The following TBC1D2B variants were observed in gnomAD, a reference collection of about 807,000 sequenced individuals.
TBC1D2B encodes TBC1 domain family member 2B.
Under a neutral mutation model 100.8 loss-of-function variants are expected in TBC1D2B, and 64 were observed. The ratio of observed to expected loss-of-function variants is 0.64; its 90% CI spans 0.52 to 0.78. The LOEUF is 0.78. Ranked by LOEUF, TBC1D2B falls within the 30% of genes least tolerant of loss-of-function variation. The pLI, the probability that TBC1D2B is intolerant of heterozygous loss-of-function variation, is 0.00. For missense variants in TBC1D2B, 1,052 were observed against 1,218.4 expected (o/e 0.86, Z 2.03); for synonymous variants, 480 against 479.7 (o/e 1.00, Z -0.01).
At chr15:78,026,187 TTGAA>T (rs2072664589) in intron 4 of TBC1D2B, among the ~76,000 whole-genome samples, 1 of 152,094 alleles carries the variant, frequency 6.6e-6, no homozygotes, top group Non-Finnish European at 1.5e-5. Flanking sequence ...TTGCTATACT[TTGAA>T]TGTGTCCCCC....
chr15:78,029,942 C>T, intron 4 of TBC1D2B, 65 bp downstream of exon 4: 1 of 1,370,560 alleles, frequency 7.3e-7, no homozygotes, highest in Non-Finnish European at 9.9e-7. Context: ...AATGTGTCTC[C>T]ACATCACTGG....
intron 3 of TBC1D2B, among the ~76,000 whole-genome samples, chr15:78,043,864 A>G (rs1351989477): frequency 1.3e-5 from 2 of 151,956 alleles, no homozygotes; most frequent in Non-Finnish European, 2.9e-5. Flanking sequence ...TCTCTACAAA[A>G]TAAATAAATA....
intron 1 of TBC1D2B, among the ~76,000 whole-genome samples, chr15:78,065,494 C>A (rs2073637323): frequency 6.6e-6 from 1 of 152,174 alleles, no homozygotes; most frequent in Non-Finnish European, 1.5e-5. Context: ...ATGTAGAAGC[C>A]TGTCAAAATA....
chr15:78,001,175 C>T (rs1266348567), intron 12 of TBC1D2B, among the ~76,000 whole-genome samples: 1 of 152,210 alleles, frequency 6.6e-6, no homozygotes, highest in Non-Finnish European at 1.5e-5. Context: ...TGTTTCCTTG[C>T]TGCCCCTTGC....
At chr15:78,028,302 C>T (rs1237976589) in intron 4 of TBC1D2B, among the ~76,000 whole-genome samples, 1 of 152,078 alleles carries the variant, frequency 6.6e-6, no homozygotes, top group Non-Finnish European at 1.5e-5. Flanking sequence ...TGATGAAACC[C>T]TGTCTCTACT....
At chr15:78,046,595 T>A (rs780108406) in intron 2 of TBC1D2B, among the ~76,000 whole-genome samples, 1 of 152,034 alleles carries the variant, frequency 6.6e-6, no homozygotes, top group Non-Finnish European at 1.5e-5. Context: ...GCCTACCAAG[T>A]AGCTGGGACT....
intron 12 of TBC1D2B, among the ~76,000 whole-genome samples, chr15:78,000,070 C>T (rs1301393002): frequency 6.6e-6 from 1 of 152,230 alleles, no homozygotes; most frequent in East Asian, 1.9e-4. Context: ...AACACTGAGG[C>T]TCTAGCCCAG....
At chr15:78,055,767 C>A (rs1336941218) in intron 1 of TBC1D2B, among the ~76,000 whole-genome samples, 1 of 152,230 alleles carries the variant, frequency 6.6e-6, no homozygotes, top group Admixed American at 6.5e-5. Flanking sequence ...GCCATTTCAT[C>A]CATTCATTTA....
At chr15:78,019,123 C>T (rs973714539) in intron 6 of TBC1D2B, among the ~76,000 whole-genome samples, 6 of 152,052 alleles carry the variant, frequency 3.9e-5, no homozygotes, top group Admixed American at 1.3e-4. Context: ...ACAGAAACTC[C>T]CCATCGCCAA....
At chr15:78,010,336 C>T (rs1385739250) in intron 9 of TBC1D2B, among the ~76,000 whole-genome samples, 2 of 152,106 alleles carry the variant, frequency 1.3e-5, no homozygotes, top group Non-Finnish European at 2.9e-5. Flanking sequence ...TCTGGAGCAG[C>T]AGGATGGAAA....
At chr15:78,040,775 AAG>A (rs1330222399) in intron 3 of TBC1D2B, among the ~76,000 whole-genome samples, 3 of 132,450 alleles carry the variant, frequency 2.3e-5, no homozygotes, top group African/African-American at 7.9e-5. Flanking sequence ...GGAAGAGAGA[AAG>A]AAAGAAAGAA....
Position 78,021,676 on chromosome 15 carries a change from T to G in TBC1D2B, c.1470+2480A>C, listed in dbSNP as rs541938685. ...ACAACCACTTTGCCTCTTCATCGTC[T>G]GTCGCCACATCACCTCACAATTGTG... is the stretch of plus-strand genomic sequence containing the variant. On this transcript the variant is annotated intron_variant, in intron 6 of 12. Coordinates refer to ENST00000300584, the MANE Select transcript of TBC1D2B (RefSeq NM_144572.2). Among the ~76,000 whole-genome samples the G allele has an allele frequency of 1.2e-4, 18 of 152,374 alleles. No individual in the cohort carries two copies. In the South Asian group the frequency reaches 3.7e-3, roughly 32 times the overall value.
At chr15:78,040,406 G>A (rs1348904973) in intron 3 of TBC1D2B, among the ~76,000 whole-genome samples, 1 of 152,036 alleles carries the variant, frequency 6.6e-6, no homozygotes, top group Non-Finnish European at 1.5e-5. Context: ...TGGGGATACT[G>A]GGCATGGTGA....
In TBC1D2B at chr15:78,013,337, GA is replaced by G; in HGVS notation, c.1776-21del. The G allele has an allele frequency of 1.3e-6, 2 of 1,549,526 alleles. No homozygotes were observed. The highest frequency in any genetic ancestry group is 1.7e-6 in the Non-Finnish European group (2 of 1,147,322). ...TATTCACTGTTGATAAAAACAAAAGGAAAAATTAAAATGACAAAGTTTTAGC... is the reference window on the plus strand; with the variant it reads ...TATTCACTGTTGATAAAAACAAAAGGAAAATTAAAATGACAAAGTTTTAGC... On this transcript the variant is annotated intron_variant, in intron 8 of 12. Transcript: ENST00000300584.
chr15:78,050,025 C>A (rs2073278309), intron 2 of TBC1D2B, among the ~76,000 whole-genome samples: 1 of 152,178 alleles, frequency 6.6e-6, no homozygotes, highest in African/African-American at 2.4e-5. Context: ...GCACAGCTTC[C>A]TTGATCTCTG....
intron 6 of TBC1D2B, among the ~76,000 whole-genome samples, chr15:78,021,494 A>T (rs1189215959): frequency 6.6e-6 from 1 of 152,140 alleles, no homozygotes; most frequent in Non-Finnish European, 1.5e-5. Flanking sequence ...GAGCCTTTCC[A>T]GTTCTCCCAG....
chr15:78,029,433 G>C (rs539729990), intron 4 of TBC1D2B, among the ~76,000 whole-genome samples: 1 of 152,280 alleles, frequency 6.6e-6, no homozygotes, highest in East Asian at 1.9e-4. Context: ...GTTGCAGATT[G>C]CAATTAAATA....
intron 3 of TBC1D2B, among the ~76,000 whole-genome samples, chr15:78,039,659 C>A (rs2141751330): frequency 6.6e-6 from 1 of 152,176 alleles, no homozygotes; most frequent in East Asian, 1.9e-4. Context: ...TGTGTAGCCA[C>A]CATTTACTGA....
At chr15:78,003,180 G>T in intron 11 of TBC1D2B, 125 bp downstream of exon 11, 2 of 769,138 alleles carry the variant, frequency 2.6e-6, no homozygotes, top group South Asian at 3.4e-5. Flanking sequence ...AGGCCGTGCT[G>T]AGATCCCTTG....
Sources: gnomAD v4.1 joint callset for allele counts (sites outside exome capture counted in the v4.1 genomes callset) on GRCh38, gnomAD v4.1.1 for gene constraint, MANE v1.5 for transcripts, NCBI Gene and HGNC (gene_info 2026-07-23, HGNC 2026-07-21) for gene names.